Variants in GEMIN5 observed in about 807,000 individuals in gnomAD.
The protein encoded by GEMIN5 is gem-associated protein 5.
Under a neutral mutation model 176.9 loss-of-function variants are expected in GEMIN5, and 124 were observed. The observed-to-expected ratio is 0.70, with a 90% CI of 0.61 to 0.81. GEMIN5 has a LOEUF of 0.81. Among genes scored for constraint, GEMIN5 ranks in the 40% least tolerant of loss-of-function variants. GEMIN5 has a pLI of 0.00. For synonymous variants in GEMIN5, 673 were observed against 665.2 expected (o/e 1.01, Z -0.18); for missense variants, 1,843 against 1,814.6 (o/e 1.02, Z -0.28).
intron 18 of GEMIN5, among the ~76,000 whole-genome samples, 181 bp downstream of exon 18, chr5:154,904,326 G>A (rs984596158): frequency 6.6e-6 from 1 of 152,140 alleles, no homozygotes; most frequent in African/African-American, 2.4e-5. Flanking sequence ...GGTCACAATG[G>A]GGAGTTTGGC....
chr5:154,905,510 A>C lies in GEMIN5; in HGVS notation c.2396-34T>G, dbSNP rs757276678. On this transcript the variant is annotated intron_variant, in intron 16 of 27. Coordinates refer to ENST00000285873, the MANE Select transcript of GEMIN5 (RefSeq NM_015465.5). ...TGGGGGAAAAAGGAAAAAAAAAGTTAAGGATAACAATAATACAGAATTTCA... is the reference window on the plus strand; with the variant it reads ...TGGGGGAAAAAGGAAAAAAAAAGTTCAGGATAACAATAATACAGAATTTCA... The C allele has an allele frequency of 2.9e-6, 3 of 1,019,012 alleles. No individual in the cohort carries two copies. In the African/African-American group the frequency reaches 4.9e-5, roughly 17 times the overall value. 63.1% of individuals were successfully genotyped at this position (1,019,012 alleles called of 1,614,324 possible).
intron 21 of GEMIN5, among the ~76,000 whole-genome samples, chr5:154,900,316 G>C (rs1487128008): frequency 1.3e-5 from 2 of 152,150 alleles, no homozygotes. Flanking sequence ...TGGGAAAAAA[G>C]TGTTTTATTA....
At chr5:154,919,824 T>C (rs758117402) in intron 11 of GEMIN5, 143 bp downstream of exon 11, 2 of 646,104 alleles carry the variant, frequency 3.1e-6, no homozygotes, top group Non-Finnish European at 5.2e-6. Context: ...CACAAATTCA[T>C]GCACAGCCTT....
rs758051159 is a variant in GEMIN5, at chr5:154,925,959, A to G, written c.1196T>C (p.Val399Ala). 3 of 1,612,602 alleles carry G rather than the reference A, an allele frequency of 1.9e-6. No individual in the cohort carries two copies. In the South Asian group the frequency reaches 3.3e-5, roughly 18 times the overall value. Residue 399 changes from valine (V) to alanine (A), a missense_variant, in exon 8 of 28, where the codon GTT becomes GCT. By Grantham distance (64) the Val-to-Ala change is moderately conservative. Coordinates refer to ENST00000285873, the MANE Select transcript of GEMIN5 (RefSeq NM_015465.5). ...SVDIGSLAIG[V>A]GDGMIRVWNT... ...CCATACACGGATCATGCCATCCCCAACACCTATGGCCAAAGAGCCTATGTC... is the reference window on the plus strand; with the variant it reads ...CCATACACGGATCATGCCATCCCCAGCACCTATGGCCAAAGAGCCTATGTC...
chr5:154,929,915 T>C (rs1161589683), intron 5 of GEMIN5, among the ~76,000 whole-genome samples: 1 of 152,212 alleles, frequency 6.6e-6, no homozygotes, highest in African/African-American at 2.4e-5. Context: ...GCATATTATT[T>C]AGAATAGTAA....
At chr5:154,933,793 A>G (rs1265593483) in intron 3 of GEMIN5, among the ~76,000 whole-genome samples, 1 of 152,134 alleles carries the variant, frequency 6.6e-6, no homozygotes, top group Non-Finnish European at 1.5e-5. Context: ...CTATTTAGAA[A>G]TCTGAATCAA....
chr5:154,933,771 C>T (rs1764211558), intron 3 of GEMIN5, among the ~76,000 whole-genome samples: 2 of 152,062 alleles, frequency 1.3e-5, no homozygotes, highest in African/African-American at 4.8e-5. Flanking sequence ...ACCTAATCAC[C>T]AACAGATCAA....
intron 7 of GEMIN5, 41 bp from the exon 8 acceptor site, chr5:154,926,115 C>A: frequency 1.5e-6 from 2 of 1,346,846 alleles, no homozygotes; most frequent in South Asian, 1.2e-5. Flanking sequence ...TAAAAAAGAA[C>A]AGAGAAATAG....
intron 5 of GEMIN5, among the ~76,000 whole-genome samples, chr5:154,929,864 T>C (rs572736664): frequency 7.2e-5 from 11 of 152,240 alleles, no homozygotes; most frequent in Non-Finnish European, 1.3e-4. Flanking sequence ...GATAAAACTA[T>C]CATGGTTTCA....
In GEMIN5 at chr5:154,903,224, T is replaced by A. The variant is rs1348395013; in HGVS notation, c.2633-49A>T. On this transcript the variant is annotated intron_variant, in intron 18 of 27. Transcript: ENST00000285873. ...AATCAGATGAAGTCATTACATTGAT[T>A]ACAGTTTTCTCTCCAATAACTTCCG... 5 of 1,194,662 alleles carry A rather than the reference T, an allele frequency of 4.2e-6. No individual in the cohort carries two copies. The Admixed American group carries it at 8.5e-5, about 20-fold the overall frequency. The allele number at this position is 1,194,662 out of a possible 1,614,324, so 74.0% of individuals were successfully genotyped here. A position where few individuals can be genotyped will look rare whatever the true frequency, so the allele number is the denominator to read the frequency against.
At chr5:154,908,145 A>G (rs1160738055) in intron 15 of GEMIN5, among the ~76,000 whole-genome samples, 3 of 142,466 alleles carry the variant, frequency 2.1e-5, no homozygotes, top group African/African-American at 7.8e-5. Context: ...CTCTCTATTT[A>G]AGTTCTGCCA....
At chr5:154,904,369 A>C (rs1763527203) in intron 18 of GEMIN5, 138 bp downstream of exon 18, 2 of 720,722 alleles carry the variant, frequency 2.8e-6, no homozygotes, top group Non-Finnish European at 4.6e-6. Flanking sequence ...ATGTGGAGGG[A>C]AGGGAGAGCT....
chr5:154,906,756 C>T (rs1288370464), intron 16 of GEMIN5, among the ~76,000 whole-genome samples: 1 of 152,086 alleles, frequency 6.6e-6, no homozygotes, highest in Non-Finnish European at 1.5e-5. Context: ...TCTTTATTTA[C>T]CCCAACTATG....
At chr5:154,932,003 C>G in intron 4 of GEMIN5, 96 bp downstream of exon 4, 1 of 1,033,438 alleles carries the variant, frequency 9.7e-7, no homozygotes, top group African/African-American at 1.6e-5. Flanking sequence ...AAAACTCCGT[C>G]TCCAAAAATA....
chr5:154,896,456 G>A, intron 23 of GEMIN5, 113 bp from the exon 24 acceptor site: 2 of 1,064,212 alleles, frequency 1.9e-6, no homozygotes, highest in South Asian at 4.1e-5. Context: ...AGCAACCAAA[G>A]CACATTAGTG....
chr5:154,914,946 G>C (rs531100354), intron 13 of GEMIN5, among the ~76,000 whole-genome samples: 1 of 152,240 alleles, frequency 6.6e-6, no homozygotes, highest in South Asian at 2.1e-4. Context: ...CGATTTCTTT[G>C]TACAATTCTT....
chr5:154,911,950 T>C, intron 14 of GEMIN5, 52 bp from the exon 15 acceptor site: 2 of 1,505,582 alleles, frequency 1.3e-6, no homozygotes, highest in Non-Finnish European at 1.8e-6. Flanking sequence ...ATTCTATTGT[T>C]TGGGCAGTAT....
intron 1 of GEMIN5, among the ~76,000 whole-genome samples, 200 bp from the exon 2 acceptor site, chr5:154,937,385 G>A (rs1440454204): frequency 6.6e-6 from 1 of 152,222 alleles, no homozygotes; most frequent in Non-Finnish European, 1.5e-5. Context: ...AAGTCTCTGA[G>A]CCTCAGCTTC....
rs1180193656 is a variant in GEMIN5 at position 154,898,707 on chromosome 5, C to T, written c.3135-57G>A. 3.8e-6 allele frequency: 5 copies of T among 1,322,394 alleles called. No individual in the cohort carries two copies. In the African/African-American group the frequency reaches 7.2e-5, roughly 19 times the overall value. The allele number at this position is 1,322,394 out of a possible 1,614,324, so 81.9% of individuals were successfully genotyped here. Reference sequence around the variant, plus strand: ...TCACAAACAGATTTTTATTCCCATTCCTAGAGGATGGAATCATTTCTTTCT... The same window carrying T: ...TCACAAACAGATTTTTATTCCCATTTCTAGAGGATGGAATCATTTCTTTCT... On this transcript the variant is annotated intron_variant, in intron 22 of 27. Transcript: ENST00000285873.
Sources: allele counts gnomAD v4.1 joint callset (sites outside exome capture counted in the v4.1 genomes callset), GRCh38; gene constraint gnomAD v4.1.1; transcripts MANE v1.5; gene names NCBI Gene and HGNC (gene_info 2026-07-23, HGNC 2026-07-21).